Variants in AMOTL1 observed in about 807,000 individuals in gnomAD.
AMOTL1 encodes angiomotin-like protein 1.
AMOTL1 carries 45 observed loss-of-function variants against 102.9 expected under a neutral mutation model. That is an observed-to-expected ratio of 0.44 (90% CI 0.34 to 0.56). The LOEUF (loss-of-function observed/expected upper bound fraction) is 0.56, where lower values mean the gene tolerates loss of function less well. Ranked by LOEUF, AMOTL1 falls within the 20% of genes least tolerant of loss-of-function variation. AMOTL1 has a pLI of 0.01. For synonymous variants in AMOTL1, 481 were observed against 484.7 expected (o/e 0.99, Z 0.10); for missense variants, 1,114 against 1,225.6 (o/e 0.91, Z 1.36).
chr11:94,751,054 C>T (rs528625244), intron 3 of AMOTL1, among the ~76,000 whole-genome samples: 155 of 151,638 alleles, frequency 1.0e-3, no homozygotes, highest in South Asian at 8.7e-3. Flanking sequence ...GAGCCAGTTT[C>T]GGTTTTCTAG....
chr11:94,811,868 C>G (rs1262988224), intron 3 of AMOTL1, among the ~76,000 whole-genome samples: 1 of 152,174 alleles, frequency 6.6e-6, no homozygotes, highest in Non-Finnish European at 1.5e-5. Flanking sequence ...AATGACTGCT[C>G]TCTACCATCC....
At chr11:94,713,097 A>AT (rs1038986331) in intron 1 of AMOTL1, among the ~76,000 whole-genome samples, 3 of 151,402 alleles carry the variant, frequency 2.0e-5, no homozygotes, top group East Asian at 1.9e-4. Flanking sequence ...CTCAAGCACC[A>AT]TTTTTTTAAA....
At chr11:94,747,198 G>C (rs1950599821) in intron 3 of AMOTL1, among the ~76,000 whole-genome samples, 1 of 152,084 alleles carries the variant, frequency 6.6e-6, no homozygotes, top group Admixed American at 6.6e-5. Flanking sequence ...GAAAGAATAG[G>C]TGGGGGAGCT....
At chr11:94,827,767 A>G (rs1328029531) in intron 4 of AMOTL1, among the ~76,000 whole-genome samples, 1 of 152,194 alleles carries the variant, frequency 6.6e-6, no homozygotes, top group African/African-American at 2.4e-5. Flanking sequence ...CGTGCTCTCC[A>G]GCCTGTTCAT....
intron 6 of AMOTL1, among the ~76,000 whole-genome samples, chr11:94,838,055 T>A (rs1952219566): frequency 6.6e-6 from 1 of 152,194 alleles, no homozygotes; most frequent in East Asian, 1.9e-4. Flanking sequence ...AGGGAAGAGT[T>A]CCTGAGATAC....
chr11:94,723,365 G>T (rs1330825793), intron 1 of AMOTL1, among the ~76,000 whole-genome samples: 1 of 152,118 alleles, frequency 6.6e-6, no homozygotes, highest in Non-Finnish European at 1.5e-5. Context: ...TCTGAGTGTG[G>T]TCTCAATGAA....
intron 9 of AMOTL1, among the ~76,000 whole-genome samples, chr11:94,860,004 G>A (rs540780855): frequency 6.6e-6 from 1 of 152,220 alleles, no homozygotes; most frequent in East Asian, 1.9e-4. Flanking sequence ...TAATCTCAGT[G>A]TTGTTGAAAA....
chr11:94,747,078 A>G (rs1950597792), intron 3 of AMOTL1, among the ~76,000 whole-genome samples: 1 of 151,992 alleles, frequency 6.6e-6, no homozygotes. Context: ...GGGCTTATCC[A>G]GCTTATTTTT....
intron 1 of AMOTL1, among the ~76,000 whole-genome samples, chr11:94,708,617 C>A (rs893295917): frequency 3.3e-5 from 5 of 152,114 alleles, no homozygotes; most frequent in Non-Finnish European, 7.4e-5. Flanking sequence ...TCCTTCTTTC[C>A]TTCACTTTTA....
Position 94,872,302 on chromosome 11 carries a change from T to G in AMOTL1, c.*1507T>G, listed in dbSNP as rs1211614548. 6.6e-6 allele frequency: 1 copy of G among 152,126 alleles called. No individual in the cohort carries two copies. Among genetic ancestry groups the G allele is most frequent in the African/African-American group, 2.4e-5 (1 of 41,408 alleles). The allele number at this position is 152,126 out of a possible 1,614,324, so 9.4% of individuals were successfully genotyped here. On this transcript the variant is annotated 3_prime_UTR_variant, in exon 13 of 13. Coordinates refer to ENST00000433060, the MANE Select transcript of AMOTL1 (RefSeq NM_130847.3). ...GCTCATCGGGCCATCAGAGAGATGCTCCTACAGGGTCCTGATGTTTTTGTA... is the reference window on the plus strand; with the variant it reads ...GCTCATCGGGCCATCAGAGAGATGCGCCTACAGGGTCCTGATGTTTTTGTA...
Position 94,830,181 on chromosome 11 carries a change from C to A in AMOTL1, c.1545C>A (p.Asn515Lys). Reference sequence around the variant, plus strand: ...AGATTAGAAGACTTCATGATTTCAACAGAGACCTCCGAGGCAGGTTTATTC... The same window carrying A: ...AGATTAGAAGACTTCATGATTTCAAAAGAGACCTCCGAGGCAGGTTTATTC... ...EGEIRRLHDF[N>K]RDLRDRLETA... is the part of the protein sequence containing the mutation. The change falls in exon 5 of 13, where the codon AAC becomes AAA. Residue 515 changes from asparagine (N) to lysine (K), a missense_variant. Asn to Lys is a moderately conservative substitution (Grantham distance 94). Coordinates refer to ENST00000433060, the MANE Select transcript of AMOTL1 (RefSeq NM_130847.3). 1 of 1,605,544 alleles carries A rather than the reference C, an allele frequency of 6.2e-7. No individual in the cohort carries two copies. The highest frequency in any genetic ancestry group is 2.2e-5 in the East Asian group (1 of 44,766).
At chr11:94,760,262 C>G (rs1162498669) in intron 3 of AMOTL1, among the ~76,000 whole-genome samples, 1 of 152,204 alleles carries the variant, frequency 6.6e-6, no homozygotes, top group African/African-American at 2.4e-5. Context: ...TTATCCCAAA[C>G]TGGCCATTTT....
At chr11:94,841,910 T>C (rs1350364805) in intron 6 of AMOTL1, among the ~76,000 whole-genome samples, 1 of 152,078 alleles carries the variant, frequency 6.6e-6, no homozygotes, top group Non-Finnish European at 1.5e-5. Context: ...AGGTAGAGAG[T>C]CAAATAAATA....
intron 1 of AMOTL1, among the ~76,000 whole-genome samples, chr11:94,789,620 G>A (rs910464552): frequency 3.3e-5 from 5 of 152,278 alleles, no homozygotes; most frequent in African/African-American, 1.2e-4. Flanking sequence ...TCAGGTACTG[G>A]TCATAGGTTC....
chr11:94,755,907 A>G (rs1371156646), intron 3 of AMOTL1, among the ~76,000 whole-genome samples: 6 of 152,158 alleles, frequency 3.9e-5, no homozygotes, highest in African/African-American at 1.4e-4. Flanking sequence ...GGCTTTCTGT[A>G]TCCTGAGTTC....
intron 1 of AMOTL1, among the ~76,000 whole-genome samples, chr11:94,707,628 A>G (rs1171758017): frequency 2.0e-5 from 3 of 152,152 alleles, no homozygotes; most frequent in Non-Finnish European, 4.4e-5. Context: ...GCAATTGCAT[A>G]CTGGCTGCCA....
At chr11:94,842,367 G>A (rs1254960950) in intron 6 of AMOTL1, among the ~76,000 whole-genome samples, 1 of 152,128 alleles carries the variant, frequency 6.6e-6, no homozygotes, top group Non-Finnish European at 1.5e-5. Flanking sequence ...AAGGCAGAAT[G>A]TGGCAAGGAC....
rs143347359 is a variant in AMOTL1 at position 94,793,730 on chromosome 11, A to G, written c.50-1281A>G. Among the ~76,000 whole-genome samples, 635 of 152,362 alleles carry G rather than the reference A, an allele frequency of 4.2e-3. 13 individuals carry two copies. Among genetic ancestry groups the G allele is most frequent in the South Asian group, 0.035 (170 of 4,828 alleles). On this transcript the variant is annotated intron_variant, in intron 1 of 12. Transcript: ENST00000433060. Reference sequence around the variant, plus strand: ...GTCTTTGTAGGTTGGCCAAAAGGAGAAGGCTGACAGATACTGTCATGCATT... The same window carrying G: ...GTCTTTGTAGGTTGGCCAAAAGGAGGAGGCTGACAGATACTGTCATGCATT...
rs935754197 is a variant in AMOTL1 at position 94,872,629 on chromosome 11, G to A, written c.*1834G>A. 3 of 152,410 alleles carry A rather than the reference G, an allele frequency of 2.0e-5. No homozygotes were observed. Among genetic ancestry groups the A allele is most frequent in the African/African-American group, 7.2e-5 (3 of 41,568 alleles). 9.4% of individuals were successfully genotyped at this position (152,410 alleles called of 1,614,324 possible). ...GCCACCCAGTACGACAGAGGAGTGG[G>A]AACTGGCCCTCTGGGGCTCTGCTTG... On this transcript the variant is annotated 3_prime_UTR_variant, in exon 13 of 13. Transcript: ENST00000433060.
Sources: gnomAD v4.1 joint callset for allele counts (sites outside exome capture counted in the v4.1 genomes callset) on GRCh38, gnomAD v4.1.1 for gene constraint, MANE v1.5 for transcripts, NCBI Gene and HGNC (gene_info 2026-07-23, HGNC 2026-07-21) for gene names.